Variants in FNDC3A observed in about 807,000 individuals in gnomAD.
FNDC3A encodes fibronectin type-III domain-containing protein 3A.
FNDC3A carries 32 observed loss-of-function variants against 148.9 expected under a neutral mutation model. The ratio of observed to expected loss-of-function variants is 0.21; its 90% CI spans 0.16 to 0.29. The LOEUF (loss-of-function observed/expected upper bound fraction) is 0.29, where lower values mean the gene tolerates loss of function less well. Ranked by LOEUF, FNDC3A falls within the 10% of genes least tolerant of loss-of-function variation. The probability of loss-of-function intolerance (pLI) is 1.00; values close to 1 mark genes in which losing one functional copy is unlikely to be tolerated. For missense variants in FNDC3A, 1,191 were observed against 1,452.8 expected, an observed-to-expected ratio of 0.82 and a Z score of 2.93; for synonymous variants, 472 against 473.6, an observed-to-expected ratio of 1.00 and a Z score of 0.04.
intron 1 of FNDC3A, chr13:48,976,483 G>A (rs1951601634): frequency 1.3e-5 from 2 of 153,136 alleles, no homozygotes; most frequent in Admixed American, 1.3e-4. Flanking sequence ...CCCAAGAGGA[G>A]GCGGCATCTA....
At position 49,191,251 on chromosome 13, in the gene FNDC3A, G is replaced by T; in HGVS notation, c.2093G>T (p.Ser698Ile). The T allele has an allele frequency of 6.2e-7, 1 of 1,612,120 alleles. No individual in the cohort carries two copies. Among genetic ancestry groups the T allele is most frequent in the South Asian group, 1.1e-5 (1 of 90,608 alleles). The change falls in exon 19 of 26, where the codon AGT (serine) becomes ATT (isoleucine). Residue 698 changes from serine to isoleucine, a missense_variant. Ser to Ile is a moderately radical substitution (Grantham distance 142). This residue lies in a region of FNDC3A where 751 missense variants were observed against 944.0 expected (regional missense o/e 0.80). Coordinates refer to ENST00000492622, the MANE Select transcript of FNDC3A (RefSeq NM_001079673.2). ...VDGGSPISCY[S>I]VEMSPIEKDE... ...GGTGGATCACCCATTTCCTGTTACA[G>T]TGTGGAAATGTCTCCTATAGAAAAA... is the stretch of plus-strand genomic sequence containing the variant.
At chr13:49,077,986 C>T (rs1878227808) in intron 3 of FNDC3A, among the ~76,000 whole-genome samples, 1 of 152,152 alleles carries the variant, frequency 6.6e-6, no homozygotes, top group Non-Finnish European at 1.5e-5. Flanking sequence ...CTGTGTACTT[C>T]ATAGAGTGTA....
intron 8 of FNDC3A, among the ~76,000 whole-genome samples, chr13:49,153,737 G>A (rs1883470420): frequency 7.4e-6 from 1 of 135,652 alleles, no homozygotes; most frequent in Admixed American, 7.6e-5. Context: ...TTCTACATAT[G>A]GCTAGCCAGT....
At chr13:49,064,981 G>A (rs1253573976) in intron 2 of FNDC3A, among the ~76,000 whole-genome samples, 1 of 152,140 alleles carries the variant, frequency 6.6e-6, no homozygotes, top group African/African-American at 2.4e-5. Context: ...TTGTATGAGT[G>A]AAAAAATCCA....
At chr13:49,202,954 A>G (rs747646846) in intron 24 of FNDC3A, among the ~76,000 whole-genome samples, 13 of 152,242 alleles carry the variant, frequency 8.5e-5, no homozygotes, top group Non-Finnish European at 1.6e-4. Context: ...AGGCTGGGTG[A>G]CAGAGTGAGA....
At chr13:49,070,948 G>A (rs554734398) in intron 2 of FNDC3A, among the ~76,000 whole-genome samples, 1 of 145,000 alleles carries the variant, frequency 6.9e-6, no homozygotes, top group Admixed American at 7.0e-5. Flanking sequence ...GCCCAGGTTG[G>A]AGTGCAGTGG....
chr13:49,089,808 G>C (rs1879065519), intron 3 of FNDC3A, among the ~76,000 whole-genome samples: 1 of 152,184 alleles, frequency 6.6e-6, no homozygotes, highest in African/African-American at 2.4e-5. Context: ...GACTTCTGAA[G>C]TACAAAACTG....
In FNDC3A at chr13:49,209,684, A is replaced by G. The variant is rs547995332; in HGVS notation, c.*2289A>G. 2 of 152,622 alleles carry G rather than the reference A, an allele frequency of 1.3e-5. No individual in the cohort carries two copies. Among genetic ancestry groups the G allele is most frequent in the South Asian group, 4.1e-4 (2 of 4,830 alleles). The allele number at this position is 152,622 out of a possible 1,614,324, so 9.5% of individuals were successfully genotyped here. ...GTCTCCCCTCTTCCAATGAGCTTAAAACATTTTTCCCAACAGTATATAAAT... is the reference window on the plus strand; with the variant it reads ...GTCTCCCCTCTTCCAATGAGCTTAAGACATTTTTCCCAACAGTATATAAAT... On this transcript the variant is annotated 3_prime_UTR_variant, in exon 26 of 26. Coordinates refer to ENST00000492622, the MANE Select transcript of FNDC3A (RefSeq NM_001079673.2).
At chr13:49,092,996 C>G (rs930020904) in intron 3 of FNDC3A, among the ~76,000 whole-genome samples, 2 of 152,040 alleles carry the variant, frequency 1.3e-5, no homozygotes, top group Non-Finnish European at 2.9e-5. Context: ...CATAAAAAGC[C>G]TCATACCTAG....
rs1260946255 is a variant in FNDC3A, at chr13:49,198,173, C to T, written c.2682C>T (p.Ala894=). ...GTGATCATGGTTCGGAAATCCTTGC[C>T]TACAGCATAGACTTTGGAGATAAAC... The part of the protein sequence containing the change: ...KPCDHGSEIL[A]YSIDFGDKQS... The change falls in exon 22 of 26, where the codon GCC becomes GCT. Residue 894 remains alanine (A), a synonymous_variant. Coordinates refer to ENST00000492622, the MANE Select transcript of FNDC3A (RefSeq NM_001079673.2). The T allele has an allele frequency of 6.2e-7, 1 of 1,614,106 alleles. No individual in the cohort carries two copies. Among genetic ancestry groups the T allele is most frequent in the South Asian group, 1.1e-5 (1 of 91,086 alleles).
intron 3 of FNDC3A, among the ~76,000 whole-genome samples, chr13:49,082,351 A>G (rs1450363220): frequency 6.6e-6 from 1 of 152,088 alleles, no homozygotes; most frequent in African/African-American, 2.4e-5. Flanking sequence ...CTGCCACTGC[A>G]CTCCAGCCTG....
chr13:49,121,423 A>G (rs1247534236), intron 4 of FNDC3A, among the ~76,000 whole-genome samples: 16 of 152,204 alleles, frequency 1.1e-4, no homozygotes, highest in Admixed American at 1.0e-3. Flanking sequence ...CCCTAACATC[A>G]CAATTAAAAG....
chr13:49,001,352 C>T (rs1952122714), intron 1 of FNDC3A, among the ~76,000 whole-genome samples: 1 of 152,126 alleles, frequency 6.6e-6, no homozygotes, highest in South Asian at 2.1e-4. Context: ...CCTCAGGACC[C>T]TGTGATGATT....
chr13:49,201,800 G>A lies in FNDC3A; in HGVS notation c.2988G>A (p.Arg996=), dbSNP rs770829435. Residue 996 remains arginine, a splice_region_variant and synonymous_variant, in exon 24 of 26, where the codon CGG becomes CGA. Coordinates refer to ENST00000492622, the MANE Select transcript of FNDC3A (RefSeq NM_001079673.2). ...YHLQMEDKNG[R]FVSLYRGPCH... is the part of the protein sequence containing the mutation. ...TATCTAATAGTTATTTCCATTTTAG[G>A]TTTGTATCCCTATACAGAGGACCAT... 28 of 1,442,668 alleles carry A rather than the reference G, an allele frequency of 1.9e-5. No homozygotes were observed. In the South Asian group the frequency reaches 4.1e-4, roughly 21 times the overall value. 89.4% of individuals were successfully genotyped at this position (1,442,668 alleles called of 1,614,324 possible).
intron 8 of FNDC3A, 120 bp from the exon 9 acceptor site, chr13:49,167,123 AG>A: frequency 1.8e-6 from 1 of 549,320 alleles, no homozygotes. Context: ...ATCTGAATAC[AG>A]TTACAGTTGG....
intron 19 of FNDC3A, among the ~76,000 whole-genome samples, chr13:49,193,169 G>A (rs1006861632): frequency 1.3e-5 from 2 of 152,138 alleles, no homozygotes; most frequent in African/African-American, 4.8e-5. Context: ...TGAATTATCT[G>A]TGTGACTGAT....
chr13:49,104,309 G>A (rs759096276), intron 3 of FNDC3A, among the ~76,000 whole-genome samples: 6 of 152,032 alleles, frequency 3.9e-5, no homozygotes, highest in Non-Finnish European at 5.9e-5. Context: ...GGTTGATCAC[G>A]AGGTCAGGAG....
intron 8 of FNDC3A, among the ~76,000 whole-genome samples, chr13:49,155,383 TTG>T (rs933424819): frequency 6.0e-4 from 90 of 150,820 alleles, no homozygotes; most frequent in African/African-American, 1.9e-3. Flanking sequence ...ATCATTTTTT[TTG>T]TGTGTCTATT....
intron 8 of FNDC3A, among the ~76,000 whole-genome samples, chr13:49,150,985 T>C (rs1883258126): frequency 1.3e-5 from 2 of 151,914 alleles, no homozygotes; most frequent in East Asian, 1.9e-4. Context: ...CTGTATTGTG[T>C]ACTGACATAT....
Sources: allele counts gnomAD v4.1 joint callset (sites outside exome capture counted in the v4.1 genomes callset), GRCh38; gene constraint gnomAD v4.1.1; regional missense constraint gnomAD v4.1.1; transcripts MANE v1.5; gene names NCBI Gene and HGNC (gene_info 2026-07-23, HGNC 2026-07-21).